Variants in NREP observed in about 807,000 individuals in gnomAD.
The protein encoded by NREP is neuronal regeneration related protein.
In NREP, 5 loss-of-function variants were observed where a neutral mutation model predicts 8.6. The observed-to-expected ratio is 0.58, with a 90% CI of 0.30 to 1.22. The LOEUF (loss-of-function observed/expected upper bound fraction) is 1.22, where lower values mean the gene tolerates loss of function less well. Among genes scored for constraint, NREP ranks in the 50% most tolerant of loss-of-function variants. NREP has a pLI of 0.07. For missense variants in NREP, 86 were observed against 82.5 expected, an observed-to-expected ratio of 1.04 and a Z score of -0.17; for synonymous variants, 27 against 28.0, an observed-to-expected ratio of 0.96 and a Z score of 0.11.
intron 2 of NREP, among the ~76,000 whole-genome samples, chr5:111,971,266 A>G (rs1392268046): frequency 6.6e-6 from 1 of 152,182 alleles, no homozygotes; most frequent in African/African-American, 2.4e-5. Context: ...CCATCCATAT[A>G]CCTGAAAGTG....
intron 2 of NREP, among the ~76,000 whole-genome samples, chr5:111,903,082 CTTTTTTT>C (rs759722512): frequency 1.6e-5 from 2 of 122,724 alleles, no homozygotes; most frequent in South Asian, 2.7e-4. Flanking sequence ...TGTCTTTTCT[CTTTTTTT>C]TTTTTTTTTT....
chr5:111,758,757 T>G (rs762060246), upstream of NREP, among the ~76,000 whole-genome samples: 115 of 152,362 alleles, frequency 7.5e-4, no homozygotes, highest in Non-Finnish European at 1.6e-3. Context: ...TTTAACATAC[T>G]GGGTACAGCA....
rs763243451 is a variant in NREP at position 111,755,776 on chromosome 5, G to A, written c.-4C>T. On this transcript the variant is annotated 5_prime_UTR_variant, in exon 2 of 4. Coordinates refer to ENST00000257435, the MANE Select transcript of NREP (RefSeq NM_004772.4). Reference sequence around the variant, plus strand: ...TCTGATGACCAAGTCTTACCATTTTGAGAATCTTAGTCTTGGGCTTCTATT... The same window carrying A: ...TCTGATGACCAAGTCTTACCATTTTAAGAATCTTAGTCTTGGGCTTCTATT... 3.1e-6 allele frequency: 5 copies of A among 1,613,834 alleles called. No individual in the cohort carries two copies. The East Asian group carries it at 1.1e-4, about 36-fold the overall frequency.
At chr5:111,868,265 G>A (rs1010714763) in intron 2 of NREP, among the ~76,000 whole-genome samples, 1 of 152,104 alleles carries the variant, frequency 6.6e-6, no homozygotes, top group Non-Finnish European at 1.5e-5. Context: ...TAGCTAGCAT[G>A]CTCTCATACA....
At chr5:111,959,985 T>C (rs1018997850) in intron 2 of NREP, among the ~76,000 whole-genome samples, 2 of 152,140 alleles carry the variant, frequency 1.3e-5, no homozygotes, top group African/African-American at 2.4e-5. Context: ...TACTGGTCCA[T>C]GGACAGCTGC....
chr5:111,810,257 G>C (rs753894552), intron 2 of NREP, among the ~76,000 whole-genome samples: 2 of 152,132 alleles, frequency 1.3e-5, no homozygotes, highest in African/African-American at 2.4e-5. Context: ...AAAATACACA[G>C]AATAGAGTGT....
chr5:111,754,325 G>C (rs921202434), intron 2 of NREP, among the ~76,000 whole-genome samples: 1 of 152,104 alleles, frequency 6.6e-6, no homozygotes, highest in Non-Finnish European at 1.5e-5. Context: ...CTTTGAGCTT[G>C]ATCTATAGAG....
chr5:111,820,888 A>T (rs1217472250), intron 2 of NREP, among the ~76,000 whole-genome samples: 1 of 152,206 alleles, frequency 6.6e-6, no homozygotes, highest in Non-Finnish European at 1.5e-5. Context: ...ATCTAATCCT[A>T]TAAGTATATT....
intron 2 of NREP, among the ~76,000 whole-genome samples, chr5:111,826,320 A>G (rs1180083048): frequency 6.6e-6 from 1 of 152,210 alleles, no homozygotes; most frequent in Non-Finnish European, 1.5e-5. Context: ...GAGTAAAAGC[A>G]GGCCACGCGT....
chr5:111,933,912 C>T (rs1755611412), intron 2 of NREP, among the ~76,000 whole-genome samples: 1 of 152,116 alleles, frequency 6.6e-6, no homozygotes, highest in South Asian at 2.1e-4. Flanking sequence ...AGTTGCTCAC[C>T]ACTTGCAGAA....
chr5:111,800,993 A>G (rs73223683), intron 2 of NREP, among the ~76,000 whole-genome samples: 10,934 of 152,272 alleles, frequency 0.072, 1,321 homozygotes, highest in African/African-American at 0.25. Context: ...AAGGAAAAAA[A>G]AAACTTCTAT....
intron 2 of NREP, among the ~76,000 whole-genome samples, chr5:111,796,499 G>A (rs568908797): frequency 3.3e-5 from 5 of 152,276 alleles, no homozygotes; most frequent in African/African-American, 7.2e-5. Flanking sequence ...TCTCTAAGCC[G>A]AGAAGGCAGA....
At chr5:111,900,751 A>G (rs186793969) in intron 2 of NREP, among the ~76,000 whole-genome samples, 1 of 152,120 alleles carries the variant, frequency 6.6e-6, no homozygotes, top group Admixed American at 6.6e-5. Context: ...GAATAATGAG[A>G]TGGAAACAGT....
In NREP at chr5:111,974,165, C is replaced by T. The variant is rs17133949; in HGVS notation, c.135+1109G>A. Reference sequence around the variant, plus strand: ...TGTGTTCTGTATAGTGTCCGTGTTCCTCAGTCTTTATTTCTGCCAATTATT... The same window carrying T: ...TGTGTTCTGTATAGTGTCCGTGTTCTTCAGTCTTTATTTCTGCCAATTATT... On this transcript the variant is annotated intron_variant, in intron 2 of 3. Coordinates refer to the NREP transcript ENST00000395634. 4.8e-3 allele frequency among the ~76,000 whole-genome samples: 734 copies of T among 152,284 alleles called. 10 individuals carry two copies. Among genetic ancestry groups the T allele is most frequent in the African/African-American group, 0.017 (715 of 41,558 alleles).
chr5:111,970,825 C>CAAAAAAAAAAAAAAAAAAAAAAAA (rs33962098), intron 2 of NREP, among the ~76,000 whole-genome samples: 1 of 53,640 alleles, frequency 1.9e-5, no homozygotes, highest in Non-Finnish European at 3.4e-5. Flanking sequence ...GACTCCATCT[C>CAAAAAAAAAAAAAAAAAAAAAAAA]AAAAAAAAAA....
chr5:111,747,071 T>C (rs1750054503), intron 2 of NREP, among the ~76,000 whole-genome samples: 1 of 152,166 alleles, frequency 6.6e-6, no homozygotes. Context: ...ATGAGCCTTC[T>C]GGGTGGCTTT....
chr5:111,939,983 G>T (rs899593911), intron 2 of NREP: 1 of 152,064 alleles, frequency 6.6e-6, no homozygotes. Context: ...TTTATTTCCT[G>T]TGGGAGTAAT....
At chr5:111,959,842 A>C (rs1350850875) in intron 2 of NREP, among the ~76,000 whole-genome samples, 2 of 152,008 alleles carry the variant, frequency 1.3e-5, no homozygotes, top group Admixed American at 1.3e-4. Context: ...CAAGCTGTAT[A>C]TTGTGGCTCA....
At chr5:111,742,692 T>C (rs1482791433) in intron 2 of NREP, among the ~76,000 whole-genome samples, 2 of 152,064 alleles carry the variant, frequency 1.3e-5, no homozygotes, top group East Asian at 3.9e-4. Flanking sequence ...TGATGGTACA[T>C]GGTTCAAGGC....
Sources: allele counts gnomAD v4.1 joint callset (sites outside exome capture counted in the v4.1 genomes callset), GRCh38; gene constraint gnomAD v4.1.1; transcripts MANE v1.5; gene names NCBI Gene and HGNC (gene_info 2026-07-23, HGNC 2026-07-21).